COL5A1: variants seen among roughly 807,000 people sequenced by gnomAD.
COL5A1 encodes collagen type V alpha 1 chain, also known as collagen alpha-1(V) chain.
In COL5A1, 16 loss-of-function variants were observed where a neutral mutation model predicts 263.7. That is an observed-to-expected ratio of 0.06 (90% CI 0.04 to 0.09). COL5A1 has a LOEUF of 0.09. Ranked by LOEUF, COL5A1 falls within the 10% of genes least tolerant of loss-of-function variation. The probability of loss-of-function intolerance (pLI) is 1.00; values close to 1 mark genes in which losing one functional copy is unlikely to be tolerated. For synonymous variants in COL5A1, 1,012 were observed against 1,004.5 expected (o/e 1.01, Z -0.14); for missense variants, 2,036 against 2,540.5 (o/e 0.80, Z 4.27).
Position 134,757,559 on chromosome 9 carries a change from G to A in COL5A1, c.1882-684G>A, listed in dbSNP as rs1451694632. 1.3e-5 allele frequency among the ~76,000 whole-genome samples: 2 copies of A among 152,190 alleles called. No individual in the cohort carries two copies. Among genetic ancestry groups the A allele is most frequent in the Non-Finnish European group, 2.9e-5 (2 of 68,040 alleles). ...GTGGATGAGCTCTGAAGTGCATCCC[G>A]TCAGTCCCAAGCTAGTGAGGTGGCC... On this transcript the variant is annotated intron_variant, in intron 17 of 65. Coordinates refer to ENST00000371817, the MANE Select transcript of COL5A1 (RefSeq NM_000093.5). This position sits in a 1 kb window ranked among gnomAD's most constrained non-coding sequence, Gnocchi z 6.2.
At position 134,790,480 on chromosome 9, in the gene COL5A1, ATCCAC is replaced by A. The variant is rs1306115961; in HGVS notation, c.2700+1273_2700+1277del. ...CATCCATCCAGCCACCCACCCACCC[ATCCAC>A]CCATCCACCCACCCACCCACCCACC... is the stretch of plus-strand genomic sequence containing the variant. On this transcript the variant is annotated intron_variant, in intron 32 of 65. Transcript: ENST00000371817. Among the ~76,000 whole-genome samples the A allele has an allele frequency of 1.8e-3, 117 of 66,220 alleles. 1 individual carries two copies. Among genetic ancestry groups the A allele is most frequent in the African/African-American group, 7.4e-3 (101 of 13,636 alleles). The allele number at this position is 66,220 out of a possible 152,430, so 43.4% of individuals were successfully genotyped here.
At chr9:134,803,933 C>G (rs1232437573) in intron 39 of COL5A1, among the ~76,000 whole-genome samples, 1 of 152,150 alleles carries the variant, frequency 6.6e-6, no homozygotes, top group Admixed American at 6.5e-5. Context: ...CCTCTTGGTG[C>G]CAGCTCCAAC....
chr9:134,710,537 C>T (rs1354361412), intron 4 of COL5A1, among the ~76,000 whole-genome samples: 1 of 124,388 alleles, frequency 8.0e-6, no homozygotes, highest in Admixed American at 8.3e-5. Context: ...GGCAGGGGCC[C>T]CATTTGTTGG....
At chr9:134,693,694 C>T (rs775776764) in intron 2 of COL5A1, among the ~76,000 whole-genome samples, 3 of 152,206 alleles carry the variant, frequency 2.0e-5, no homozygotes, top group Non-Finnish European at 4.4e-5. Flanking sequence ...GCCCCTTCCG[C>T]CCGGCCCTCC....
In COL5A1 at chr9:134,758,270, G is replaced by T; in HGVS notation, c.1909G>T (p.Gly637Trp). Residue 637 changes from glycine (G) to tryptophan (W), a missense_variant, in exon 18 of 66, where the codon GGG (glycine) becomes TGG (tryptophan). This residue lies in a region of COL5A1 where 1,078 missense variants were observed against 1,521.4 expected (regional missense o/e 0.71). Transcript: ENST00000371817. This position sits in a 1 kb window ranked among gnomAD's most constrained non-coding sequence, Gnocchi z 4.1. ...KGDRGFDGLA[G>W]LPGEKGHRGD... ...TGACCGGGGTTTCGACGGCCTGGCT[G>T]GGTTGCCAGGCGAGAAGGGCCACAG... 1 of 1,614,056 alleles carries T rather than the reference G, an allele frequency of 6.2e-7. No homozygotes were observed. The highest frequency in any genetic ancestry group is 8.5e-7 in the Non-Finnish European group (1 of 1,179,988).
chr9:134,694,009 A>G (rs909949190), intron 2 of COL5A1, among the ~76,000 whole-genome samples: 1 of 152,144 alleles, frequency 6.6e-6, no homozygotes, highest in African/African-American at 2.4e-5. Flanking sequence ...GAGGTAGAAG[A>G]GAGGGTGCAG....
At chr9:134,670,941 A>G (rs1345389472) in intron 1 of COL5A1, among the ~76,000 whole-genome samples, 3 of 152,170 alleles carry the variant, frequency 2.0e-5, no homozygotes, top group African/African-American at 7.2e-5. Flanking sequence ...TTCCACACTG[A>G]AATACCACAA....
At chr9:134,690,583 T>C (rs1833244028) in intron 1 of COL5A1, among the ~76,000 whole-genome samples, 1 of 152,014 alleles carries the variant, frequency 6.6e-6, no homozygotes, top group Non-Finnish European at 1.5e-5. Context: ...GAGAGCGCAG[T>C]GAGGAAGGAG....
intron 1 of COL5A1, among the ~76,000 whole-genome samples, chr9:134,671,990 G>T (rs1023925235): frequency 1.3e-5 from 2 of 152,210 alleles, no homozygotes; most frequent in Non-Finnish European, 2.9e-5. Flanking sequence ...GGTGTGGGGG[G>T]GCCCACTTCA....
intron 4 of COL5A1, among the ~76,000 whole-genome samples, chr9:134,711,987 C>A: frequency 7.2e-6 from 1 of 138,422 alleles, no homozygotes; most frequent in Non-Finnish European, 1.6e-5. Flanking sequence ...CCCTTCCTGT[C>A]CCCACTCCTT....
In COL5A1 at chr9:134,763,674, C is replaced by T; in HGVS notation, c.1990-19C>T. On this transcript the variant is annotated intron_variant, in intron 19 of 65. Transcript: ENST00000371817. ...CTAACAGCTCATTTCTCTAACCTTG[C>T]CTTTTTTCTCCTCTGCAGGGTGACG... is the stretch of plus-strand genomic sequence containing the variant. 1 of 1,613,172 alleles carries T rather than the reference C, an allele frequency of 6.2e-7. No individual in the cohort carries two copies.
At position 134,656,830 on chromosome 9, in the gene COL5A1, A is replaced by T. The variant is rs373170678; in HGVS notation, c.109+14534A>T. ...CAGGCCCAGCCAGGGACCTCAGAGG[A>T]TGCTAAATGGTTGGCACAAAAGGGC... is the stretch of plus-strand genomic sequence containing the variant. On this transcript the variant is annotated intron_variant, in intron 1 of 65. Coordinates refer to ENST00000371817, the MANE Select transcript of COL5A1 (RefSeq NM_000093.5). Among the ~76,000 whole-genome samples the T allele has an allele frequency of 3.3e-3, 498 of 149,272 alleles. 3 individuals are homozygous for T. Among genetic ancestry groups the T allele is most frequent in the African/African-American group, 0.012 (476 of 40,324 alleles).
chr9:134,824,028 T>C (rs1055668821), intron 61 of COL5A1, among the ~76,000 whole-genome samples: 1 of 152,096 alleles, frequency 6.6e-6, no homozygotes, highest in Non-Finnish European at 1.5e-5. Context: ...TGTGTGTGTG[T>C]GTTGGGATGG....
In COL5A1 at chr9:134,842,020, C is replaced by T. The variant is rs1830117770; in HGVS notation, c.5371-137C>T. 15 of 946,062 alleles carry T rather than the reference C, an allele frequency of 1.6e-5. No homozygotes were observed. The highest frequency in any genetic ancestry group is 2.2e-5 in the Non-Finnish European group (13 of 599,682). 58.6% of individuals were successfully genotyped at this position (946,062 alleles called of 1,614,324 possible). ...AGCCATATTTCCTCCAACACTTGCC[C>T]GGGCAAGCGCAGCCCTGGGTAGGAG... On this transcript the variant is annotated intron_variant, in intron 65 of 65. Coordinates refer to ENST00000371817, the MANE Select transcript of COL5A1 (RefSeq NM_000093.5). This position sits in a 1 kb window ranked among gnomAD's most constrained non-coding sequence, Gnocchi z 5.8.
intron 9 of COL5A1, 48 bp downstream of exon 9, chr9:134,732,175 C>G (rs374285085): frequency 1.2e-6 from 2 of 1,600,808 alleles, no homozygotes; most frequent in East Asian, 2.2e-5. Context: ...GTCCGCTGCT[C>G]GGGGTCACAG....
chr9:134,661,846 G>A (rs998129529), intron 1 of COL5A1, among the ~76,000 whole-genome samples: 2 of 152,062 alleles, frequency 1.3e-5, no homozygotes, highest in African/African-American at 2.4e-5. Flanking sequence ...CTGTTCCTCC[G>A]ACCGCTTCTT....
chr9:134,807,626 A>T (rs749469638), intron 42 of COL5A1, among the ~76,000 whole-genome samples: 9 of 152,204 alleles, frequency 5.9e-5, no homozygotes, highest in Non-Finnish European at 1.3e-4. Flanking sequence ...TTTCACTCTC[A>T]GTGGCTCATG....
intron 1 of COL5A1, among the ~76,000 whole-genome samples, chr9:134,670,897 G>A (rs890815228): frequency 6.6e-6 from 1 of 152,146 alleles, no homozygotes; most frequent in Non-Finnish European, 1.5e-5. Flanking sequence ...TCCCCACCTG[G>A]TGGCTGCACT....
chr9:134,771,861 G>A (rs1033253186), intron 25 of COL5A1, among the ~76,000 whole-genome samples: 1 of 152,188 alleles, frequency 6.6e-6, no homozygotes, highest in Non-Finnish European at 1.5e-5. Context: ...CCTCGTTGGT[G>A]GAACTGCATT....
Sources: allele counts gnomAD v4.1 joint callset (sites outside exome capture counted in the v4.1 genomes callset), GRCh38; gene constraint gnomAD v4.1.1; regional missense constraint gnomAD v4.1.1; non-coding constraint Gnocchi (gnomAD v3.1); transcripts MANE v1.5; gene names NCBI Gene and HGNC (gene_info 2026-07-23, HGNC 2026-07-21).